SEL1L2: variants seen among roughly 807,000 people sequenced by gnomAD.
SEL1L2 encodes protein sel-1 homolog 2.
Under a neutral mutation model 98.8 loss-of-function variants are expected in SEL1L2, and 89 were observed. That is an observed-to-expected ratio of 0.90 (90% CI 0.76 to 1.07). The LOEUF (loss-of-function observed/expected upper bound fraction) is 1.07. SEL1L2 is among the 50% of genes least tolerant of loss of function. The probability of loss-of-function intolerance (pLI) is 0.00; values close to 1 mark genes in which losing one functional copy is unlikely to be tolerated. For missense variants in SEL1L2, 788 were observed against 812.0 expected (o/e 0.97, Z 0.36); for synonymous variants, 262 against 278.5 (o/e 0.94, Z 0.59).
chr20:13,950,597 C>A (rs771841093), intron 2 of SEL1L2, among the ~76,000 whole-genome samples: 3 of 152,110 alleles, frequency 2.0e-5, no homozygotes, highest in Admixed American at 2.0e-4. Flanking sequence ...CTGGAACAGG[C>A]ACAGTTTAGA....
intron 3 of SEL1L2, among the ~76,000 whole-genome samples, chr20:13,922,482 G>A (rs1280371771): frequency 6.6e-6 from 1 of 152,114 alleles, no homozygotes; most frequent in East Asian, 1.9e-4. Flanking sequence ...ACACATAAGG[G>A]CAAATGTGAA....
At chr20:13,969,511 C>T (rs902747485) in intron 1 of SEL1L2, among the ~76,000 whole-genome samples, 3 of 152,168 alleles carry the variant, frequency 2.0e-5, no homozygotes, top group African/African-American at 7.2e-5. Context: ...TTGCTAGGCA[C>T]TCAGTAAAGT....
At chr20:13,879,454 C>T (rs561870762) in intron 10 of SEL1L2, among the ~76,000 whole-genome samples, 7 of 152,104 alleles carry the variant, frequency 4.6e-5, no homozygotes, top group Non-Finnish European at 1.5e-5. Flanking sequence ...TGGGTTCAAG[C>T]GATTCTCCTG....
chr20:13,928,276 T>C lies in SEL1L2; in HGVS notation c.283+3327A>G, dbSNP rs533301018. On this transcript the variant is annotated intron_variant, in intron 3 of 19. Transcript: ENST00000284951. The stretch of plus-strand genomic sequence containing the variant: ...CTCCCTAGTTCTGTAGGGCAATGTC[T>C]TTCCATCCTTGAAGACTTGGCATCA... The C allele has an allele frequency of 3.3e-5, 5 of 152,354 alleles. No individual in the cohort carries two copies. In the South Asian group the frequency reaches 1.0e-3, roughly 32 times the overall value. 9.4% of individuals were successfully genotyped at this position (152,354 alleles called of 1,614,324 possible).
intron 1 of SEL1L2, among the ~76,000 whole-genome samples, chr20:13,959,690 A>G (rs1432852249): frequency 6.6e-6 from 1 of 152,220 alleles, no homozygotes; most frequent in Non-Finnish European, 1.5e-5. Flanking sequence ...GATTCAGAAA[A>G]TGCTTTCCAA....
chr20:13,961,788 C>T (rs1008176784), intron 1 of SEL1L2, among the ~76,000 whole-genome samples: 5 of 152,162 alleles, frequency 3.3e-5, no homozygotes, highest in Non-Finnish European at 7.3e-5. Context: ...GAACTGGGCC[C>T]TAATTAATAA....
intron 1 of SEL1L2, among the ~76,000 whole-genome samples, chr20:13,988,646 AT>A (rs929399363): frequency 1.2e-4 from 19 of 152,126 alleles, no homozygotes; most frequent in Admixed American, 1.2e-3. Flanking sequence ...TTTCAGGAAC[AT>A]TTTTTTCCAT....
chr20:13,974,525 C>G (rs1358514048), intron 1 of SEL1L2, among the ~76,000 whole-genome samples: 1 of 127,906 alleles, frequency 7.8e-6, no homozygotes, highest in Non-Finnish European at 1.6e-5. Flanking sequence ...GTCCCCCAGG[C>G]TGGAGTGCAG....
chr20:13,919,254 G>A, intron 3 of SEL1L2, 131 bp from the exon 4 acceptor site: 1 of 591,122 alleles, frequency 1.7e-6, no homozygotes. Context: ...CTGCATTCAA[G>A]AAGATCTGTT....
rs781064653 is a variant in SEL1L2 at position 13,865,377 on chromosome 20, T to A, written c.1542A>T (p.Gln514His). 6.2e-7 allele frequency: 1 copy of A among 1,614,130 alleles called. No homozygotes were observed. The highest frequency in any genetic ancestry group is 1.1e-5 in the South Asian group (1 of 91,080). ...ATTCCAAAATGAATGCTGAATTGCT[T>A]TGAGCTACTTCATACCCCATTTCTG... Reference protein sequence around the residue: ...LLAEMGYEVAQSNSAFILESK... With the variant: ...LLAEMGYEVAHSNSAFILESK... Residue 514 changes from glutamine to histidine, a missense_variant, in exon 16 of 20, where the codon CAA becomes CAT. Physicochemically the swap from Gln to His is conservative, Grantham distance 24. Coordinates refer to ENST00000284951, the MANE Select transcript of SEL1L2 (RefSeq NM_025229.2).
intron 1 of SEL1L2, among the ~76,000 whole-genome samples, chr20:13,982,244 C>A (rs973606766): frequency 1.3e-5 from 2 of 152,108 alleles, no homozygotes; most frequent in African/African-American, 4.8e-5. Context: ...GCCATGGTGG[C>A]TCATGCCTGT....
chr20:13,974,358 T>G (rs548564222), intron 1 of SEL1L2, among the ~76,000 whole-genome samples: 16 of 152,198 alleles, frequency 1.1e-4, no homozygotes, highest in Non-Finnish European at 2.4e-4. Flanking sequence ...TAGCCTTTCC[T>G]AAGTCTTGCC....
intron 17 of SEL1L2, 43 bp from the exon 18 acceptor site, chr20:13,859,477 T>G: frequency 6.5e-7 from 1 of 1,532,990 alleles, no homozygotes; most frequent in Non-Finnish European, 9.0e-7. Context: ...ACTCAAATGA[T>G]TCATGTATAG....
chr20:13,987,318 T>G (rs1373380739), intron 1 of SEL1L2, among the ~76,000 whole-genome samples: 4 of 112,832 alleles, frequency 3.5e-5, no homozygotes, highest in Admixed American at 8.7e-5. Context: ...ACTGTTTTTT[T>G]TTTTTTTTTT....
intron 1 of SEL1L2, among the ~76,000 whole-genome samples, chr20:13,970,048 TGCCTCTAGCACCCTGCACA>T (rs1477063701): frequency 2.0e-5 from 3 of 152,062 alleles, no homozygotes; most frequent in African/African-American, 7.2e-5. Flanking sequence ...TTTTAAAGTT[TGCCTCTAGCACCCTGCACA>T]GTTTCTTAAT....
At chr20:13,915,970 C>T (rs138679990) in intron 4 of SEL1L2, among the ~76,000 whole-genome samples, 26 of 152,220 alleles carry the variant, frequency 1.7e-4, no homozygotes, top group African/African-American at 6.0e-4. Context: ...TGTAGAACAA[C>T]GGCTTATCTT....
intron 1 of SEL1L2, among the ~76,000 whole-genome samples, chr20:13,970,269 CT>C (rs1242710562): frequency 1.3e-5 from 2 of 152,126 alleles, no homozygotes; most frequent in Non-Finnish European, 2.9e-5. Flanking sequence ...ACAGTTGTCT[CT>C]GCAACAGTGG....
At chr20:13,939,043 T>TTTTTTG (rs1200813282) in intron 2 of SEL1L2, among the ~76,000 whole-genome samples, 9 of 117,630 alleles carry the variant, frequency 7.7e-5, no homozygotes, top group Admixed American at 1.9e-4. Context: ...TTGTTTTGTT[T>TTTTTTG]TTTTTTTTTT....
rs142364835 is a variant in SEL1L2, at chr20:13,966,974, T to C, written c.59-10843A>G. Among the ~76,000 whole-genome samples, 310 of 144,376 alleles carry C rather than the reference T, an allele frequency of 2.1e-3. 6 individuals are homozygous for C. In the East Asian group the frequency reaches 0.055, roughly 26 times the overall value. 94.7% of individuals were successfully genotyped at this position (144,376 alleles called of 152,430 possible). A position where few individuals can be genotyped will look rare whatever the true frequency, so the allele number is the denominator to read the frequency against. ...TCAGCTCGCTGCAATCTCTGCCTCC[T>C]GGGTTCAAGCGATTCTTCTACCTCA... On this transcript the variant is annotated intron_variant, in intron 1 of 19. Coordinates refer to ENST00000284951, the MANE Select transcript of SEL1L2 (RefSeq NM_025229.2).
Sources: gnomAD v4.1 joint callset for allele counts (sites outside exome capture counted in the v4.1 genomes callset) on GRCh38, gnomAD v4.1.1 for gene constraint, MANE v1.5 for transcripts, NCBI Gene and HGNC (gene_info 2026-07-23, HGNC 2026-07-21) for gene names.